Variants in KCNMA1 observed in about 807,000 individuals in gnomAD.
KCNMA1 encodes Calcium-activated potassium channel subunit alpha-1.
A neutral mutation model predicts 140.0 loss-of-function variants in KCNMA1; 29 were observed. The observed-to-expected ratio is 0.21, with a 90% CI of 0.15 to 0.28. KCNMA1 has a LOEUF of 0.28. Ranked by LOEUF, KCNMA1 falls within the 10% of genes least tolerant of loss-of-function variation. The pLI is 1.00. For missense variants in KCNMA1, 880 were observed against 1,602.2 expected (o/e 0.55, Z 7.70); for synonymous variants, 612 against 611.9 (o/e 1.00, Z 0.00).
At chr10:77,419,838 C>T (rs1158170917) in intron 1 of KCNMA1, among the ~76,000 whole-genome samples, 1 of 152,096 alleles carries the variant, frequency 6.6e-6, no homozygotes, top group Non-Finnish European at 1.5e-5. Flanking sequence ...GGACTGAGAA[C>T]CAGAAAACTT....
intron 3 of KCNMA1, among the ~76,000 whole-genome samples, chr10:77,243,941 G>A (rs183570660): frequency 6.6e-6 from 1 of 152,158 alleles, no homozygotes; most frequent in African/African-American, 2.4e-5. Context: ...CTAATCCCAC[G>A]CAGCCACCTG....
intron 1 of KCNMA1, among the ~76,000 whole-genome samples, chr10:77,448,704 C>A (rs1356337379): frequency 6.6e-6 from 1 of 152,052 alleles, no homozygotes; most frequent in East Asian, 1.9e-4. Flanking sequence ...TCTTGTATTA[C>A]TTTTTAAATC....
chr10:77,297,868 T>C (rs575259224), intron 2 of KCNMA1, among the ~76,000 whole-genome samples: 14 of 152,154 alleles, frequency 9.2e-5, no homozygotes, highest in Non-Finnish European at 1.9e-4. Flanking sequence ...GATTCCAAGA[T>C]GGAGACCCAA....
intron 1 of KCNMA1, among the ~76,000 whole-genome samples, chr10:77,469,494 G>A (rs1320737016): frequency 6.6e-6 from 1 of 152,134 alleles, no homozygotes; most frequent in East Asian, 1.9e-4. Context: ...GGGACTCCTT[G>A]GGGCCTAGAG....
chr10:77,404,290 A>G (rs967448909), intron 1 of KCNMA1, among the ~76,000 whole-genome samples: 3 of 151,908 alleles, frequency 2.0e-5, no homozygotes, highest in Non-Finnish European at 4.4e-5. Context: ...ATTTTATTTT[A>G]TTTTTTGAGA....
chr10:77,371,382 C>T (rs543605672), intron 2 of KCNMA1, among the ~76,000 whole-genome samples: 18 of 152,250 alleles, frequency 1.2e-4, no homozygotes, highest in South Asian at 2.1e-4. Flanking sequence ...ACAGCTGCAC[C>T]GCCAACAGAG....
At chr10:77,064,146 A>G (rs1274429562) in intron 14 of KCNMA1, 5 of 983,200 alleles carry the variant, frequency 5.1e-6, no homozygotes, top group Non-Finnish European at 6.0e-6. Context: ...GATTACAGCT[A>G]TAAAACCAAG....
chr10:77,220,535 A>T (rs778885994), intron 3 of KCNMA1, among the ~76,000 whole-genome samples: 49 of 152,162 alleles, frequency 3.2e-4, no homozygotes, highest in Non-Finnish European at 6.3e-4. Flanking sequence ...CTTCTAGGAG[A>T]GCAGATAAGT....
intron 24 of KCNMA1, 140 bp downstream of exon 24, chr10:76,914,796 C>T (rs1256851171): frequency 4.3e-6 from 3 of 692,050 alleles, no homozygotes; most frequent in Admixed American, 4.0e-5. Flanking sequence ...TCTCCCCATA[C>T]CTTCCTCCCA....
chr10:77,110,024 A>G (rs1440538776), intron 8 of KCNMA1, 149 bp downstream of exon 8: 2 of 740,324 alleles, frequency 2.7e-6, no homozygotes, highest in Non-Finnish European at 4.7e-6. Context: ...AAAAGTCACC[A>G]TCGTGTTTGG....
At chr10:77,345,627 G>A (rs1170305186) in intron 2 of KCNMA1, among the ~76,000 whole-genome samples, 3 of 152,162 alleles carry the variant, frequency 2.0e-5, no homozygotes, top group Admixed American at 2.0e-4. Flanking sequence ...CTAATTAATT[G>A]GCTCTAAAAG....
chr10:76,871,233 G>A lies in KCNMA1; in HGVS notation c.*6636C>T, dbSNP rs74139841. ...TCTTGCCTGTGTGGCCTTCCCTCAC[G>A]GACAGCTCTCAGCTTTTCTTGCTCT... On this transcript the variant is annotated 3_prime_UTR_variant, in exon 28 of 28. Coordinates refer to the KCNMA1 transcript ENST00000604624. 231 of 152,786 alleles carry A rather than the reference G, an allele frequency of 1.5e-3. 1 individual carries two copies. The highest frequency in any genetic ancestry group is 5.1e-3 in the African/African-American group (213 of 41,558). The allele number at this position is 152,786 out of a possible 1,614,324, so 9.5% of individuals were successfully genotyped here.
At chr10:76,965,445 C>T (rs1257783294) in intron 20 of KCNMA1, among the ~76,000 whole-genome samples, 1 of 152,118 alleles carries the variant, frequency 6.6e-6, no homozygotes, top group East Asian at 1.9e-4. Context: ...ATGGAGGACT[C>T]CCAACCCTTC....
rs250713 is a variant in KCNMA1, at chr10:77,396,286, A to G, written c.540+7576T>C. Among the ~76,000 whole-genome samples the G allele has an allele frequency of 9.3e-3, 1,414 of 152,328 alleles. 13 individuals carry two copies. Among genetic ancestry groups the G allele is most frequent in the Middle Eastern group, 0.027 (8 of 294 alleles). On this transcript the variant is annotated intron_variant, in intron 2 of 27. Coordinates refer to ENST00000286628, the MANE Select transcript of KCNMA1 (RefSeq NM_001161352.2). ...AATTTTACATAGATTTGCCTAAAAT[A>G]TAATAAAAGCTGGGGCATAGATGAG...
intron 26 of KCNMA1, among the ~76,000 whole-genome samples, chr10:76,890,272 G>A (rs2039362011): frequency 6.6e-6 from 1 of 152,218 alleles, no homozygotes; most frequent in Admixed American, 6.5e-5. Context: ...GCTGGCTTCA[G>A]CGGCCAGGTG....
In KCNMA1 at chr10:77,092,807, A is replaced by G. The variant is rs192162503; in HGVS notation, c.1224-2297T>C. On this transcript the variant is annotated intron_variant, in intron 9 of 27. Coordinates refer to ENST00000286628, the MANE Select transcript of KCNMA1 (RefSeq NM_001161352.2). ...CATTCGTTCTTCCTACCCAGCATGC[A>G]AAGAACTGAATGAACATCAGCCAGC... Among the ~76,000 whole-genome samples, 200 of 152,318 alleles carry G rather than the reference A, an allele frequency of 1.3e-3. 1 individual carries two copies. Among genetic ancestry groups the G allele is most frequent in the Middle Eastern group, 3.4e-3 (1 of 294 alleles).
intron 1 of KCNMA1, among the ~76,000 whole-genome samples, chr10:77,519,780 T>C (rs1195209189): frequency 1.3e-5 from 2 of 152,248 alleles, no homozygotes; most frequent in African/African-American, 4.8e-5. Flanking sequence ...AGGTTCAAGT[T>C]AGAAAACTTC....
At chr10:77,287,724 T>C (rs2154304656) in intron 2 of KCNMA1, among the ~76,000 whole-genome samples, 1 of 152,260 alleles carries the variant, frequency 6.6e-6, no homozygotes, top group African/African-American at 2.4e-5. Flanking sequence ...AAGACACATG[T>C]GCAAGCTGAA....
Position 77,533,176 on chromosome 10 carries a change from T to C in KCNMA1, c.378+104089A>G, listed in dbSNP as rs574399888. 7.2e-5 allele frequency among the ~76,000 whole-genome samples: 11 copies of C among 152,268 alleles called. No individual in the cohort carries two copies. The East Asian group carries it at 1.5e-3, about 21-fold the overall frequency. On this transcript the variant is annotated intron_variant, in intron 1 of 27. Transcript: ENST00000286628. The stretch of plus-strand genomic sequence containing the variant: ...CATCCAGGGCATGACAGTGCTTTCA[T>C]CCCTCAGTGTTGCTAACATGCCCAG...
Sources: gnomAD v4.1 joint callset for allele counts (sites outside exome capture counted in the v4.1 genomes callset) on GRCh38, gnomAD v4.1.1 for gene constraint, MANE v1.5 for transcripts, NCBI Gene and HGNC (gene_info 2026-07-23, HGNC 2026-07-21) for gene names.